NKAP: variants seen among roughly 807,000 people sequenced by gnomAD.
The protein encoded by NKAP is NF-kappa-B-activating protein.
Under a neutral mutation model 35.6 loss-of-function variants are expected in NKAP, and 4 were observed. That is an observed-to-expected ratio of 0.11 (90% CI 0.06 to 0.26). The LOEUF is 0.26. Among genes scored for constraint, NKAP ranks in the 10% least tolerant of loss-of-function variants. The pLI is 1.00. For missense variants in NKAP, 238 were observed against 321.9 expected, an observed-to-expected ratio of 0.74 and a Z score of 1.99; for synonymous variants, 106 against 119.2, an observed-to-expected ratio of 0.89 and a Z score of 0.72.
Position 119,936,413 on chromosome X carries a change from G to C in NKAP, c.557C>G (p.Ser186Cys), listed in dbSNP as rs570658904. The C allele has an allele frequency of 1.6e-5, 19 of 1,152,689 alleles. No homozygotes were observed. The African/African-American group carries it at 2.2e-4, about 14-fold the overall frequency. 95.0% of individuals were successfully genotyped at this position (1,152,689 alleles called of 1,213,427 possible). Reference protein sequence around the residue: ...STSEEEKKKKSSRSKERSKKR... With the variant: ...STSEEEKKKKCSRSKERSKKR... ...CTTGGACCTTTCTTTTGAACGGCTA[G>C]ACTTCTTCTTTTTTTCTTCTAAGAA... Residue 186 changes from serine to cysteine, a missense_variant, in exon 4 of 9, where the codon TCT (serine) becomes TGT (cysteine). Transcript: ENST00000371410.
intron 8 of NKAP, among the ~76,000 whole-genome samples, chrX:119,929,014 A>G (rs2056728608): frequency 9.0e-6 from 1 of 111,048 alleles, no homozygotes; most frequent in East Asian, 2.8e-4. Context: ...CTCCTGCTTC[A>G]GCCTCCTGAG....
intron 1 of NKAP, among the ~76,000 whole-genome samples, chrX:119,939,281 A>G (rs1322271690): frequency 1.1e-5 from 1 of 94,200 alleles, no homozygotes; most frequent in Non-Finnish European, 2.1e-5. Flanking sequence ...AAAAGTTTTT[A>G]TTTTATTTTA....
intron 1 of NKAP, among the ~76,000 whole-genome samples, chrX:119,939,637 GC>G (rs2056783003): frequency 9.0e-6 from 1 of 110,984 alleles, no homozygotes; most frequent in African/African-American, 3.3e-5. Flanking sequence ...GGTGGCACAT[GC>G]CTGTAATCCC....
chrX:119,934,806 T>C (rs772658244), intron 4 of NKAP, among the ~76,000 whole-genome samples: 14 of 111,104 alleles, frequency 1.3e-4, no homozygotes, highest in Admixed American at 1.9e-4. Context: ...TGGTGGCTAA[T>C]TAGGAAAATG....
chrX:119,941,690 A>G (rs1224998334), intron 1 of NKAP, among the ~76,000 whole-genome samples: 1 of 111,123 alleles, frequency 9.0e-6, no homozygotes, highest in African/African-American at 3.3e-5. Flanking sequence ...CAGTGGTGAG[A>G]TCATGGCTCA....
At chrX:119,932,942 C>T (rs1006789437) in intron 5 of NKAP, among the ~76,000 whole-genome samples, 4 of 108,061 alleles carry the variant, frequency 3.7e-5, no homozygotes, top group Non-Finnish European at 7.6e-5. Flanking sequence ...GTGATCGTGC[C>T]ACTGCATTCC....
intron 2 of NKAP, 103 bp from the exon 3 acceptor site, chrX:119,936,785 G>T (rs1013479244): frequency 1.5e-5 from 9 of 584,259 alleles, no homozygotes; most frequent in Non-Finnish European, 2.2e-5. Flanking sequence ...AGCATCGATT[G>T]TCCAAGAACC....
intron 4 of NKAP, among the ~76,000 whole-genome samples, chrX:119,935,625 G>A (rs899966651): frequency 4.1e-4 from 46 of 111,273 alleles, no homozygotes; most frequent in African/African-American, 1.4e-3. Context: ...TTCTGTCTTC[G>A]AGCACTGAGG....
intron 4 of NKAP, among the ~76,000 whole-genome samples, chrX:119,935,673 T>C (rs2056762957): frequency 9.0e-6 from 1 of 111,403 alleles, no homozygotes; most frequent in African/African-American, 3.3e-5. Flanking sequence ...ACTTCGGCGA[T>C]ATCAGAGGAA....
chrX:119,934,691 G>A, intron 4 of NKAP, 134 bp from the exon 5 acceptor site: 1 of 411,108 alleles, frequency 2.4e-6, no homozygotes, highest in Non-Finnish European at 4.1e-6. Flanking sequence ...AACATTTATT[G>A]CTATTTGTCA....
intron 1 of NKAP, among the ~76,000 whole-genome samples, 192 bp from the exon 2 acceptor site, chrX:119,939,002 T>TA (rs2056779789): frequency 8.9e-6 from 1 of 112,511 alleles, no homozygotes; most frequent in Non-Finnish European, 1.9e-5. Context: ...GTACAGACTA[T>TA]AGAAATGATG....
At position 119,926,089 on chromosome X, in the gene NKAP, T is replaced by C. The variant is rs1283366155; in HGVS notation, c.1074-695A>G. Among the ~76,000 whole-genome samples, 111 of 99,980 alleles carry C rather than the reference T, an allele frequency of 1.1e-3. 1 individual carries two copies. The highest frequency in any genetic ancestry group is 3.9e-3 in the African/African-American group (107 of 27,108). 86.8% of individuals were successfully genotyped at this position (99,980 alleles called of 115,157 possible). On this transcript the variant is annotated intron_variant, in intron 8 of 8. Transcript: ENST00000371410. Reference sequence around the variant, plus strand: ...CTCCTGCCTCAGCCTCCCCAGTAGCTGGGACTACAGGCGCCCGCCACCGCG... The same window carrying C: ...CTCCTGCCTCAGCCTCCCCAGTAGCCGGGACTACAGGCGCCCGCCACCGCG...
Position 119,936,654 on chromosome X carries a change from C to T in NKAP, c.496G>A (p.Glu166Lys), listed in dbSNP as rs754777767. 6 of 1,179,516 alleles carry T rather than the reference C, an allele frequency of 5.1e-6. No homozygotes were observed. The South Asian group carries it at 1.1e-4, about 22-fold the overall frequency. The change falls in exon 3 of 9, where the codon GAA becomes AAA. Residue 166 changes from glutamate (E) to lysine (K), a missense_variant. This residue lies in a region of NKAP where 89 missense variants were observed against 91.7 expected (regional missense o/e 0.97). Transcript: ENST00000371410. The part of the protein sequence containing the change: ...DSDEHTPVED[E>K]EPKKSTTSAS... ...GAAGTAGTGCTTTTCTTTGGCTCTT[C>T]ATCCTCCACTGGTGTATGTTCATCA...
Position 119,939,513 on chromosome X carries a change from C to T in NKAP, c.387-703G>A, listed in dbSNP as rs758016767. The stretch of plus-strand genomic sequence containing the variant: ...TGTTGGCCAGGCTGGTCTCAAACTC[C>T]TGACCTCAGGAGATCCACCTCAGTT... On this transcript the variant is annotated intron_variant, in intron 1 of 8. Transcript: ENST00000371410. Among the ~76,000 whole-genome samples, 9 of 111,626 alleles carry T rather than the reference C, an allele frequency of 8.1e-5. 1 individual carries two copies. The South Asian group carries it at 3.4e-3, about 42-fold the overall frequency.
At position 119,930,042 on chromosome X, in the gene NKAP, G is replaced by A. The variant is rs767283163; in HGVS notation, c.1047C>T (p.Cys349=). ...LTSEEIASFE[C]SGYVMSGSRH... is the part of the protein sequence containing the mutation. Reference sequence around the variant, plus strand: ...TGCTACCACTCATTACATAACCTGAGCATTCAAATGATGCAATTTCTTCAC... The same window carrying A: ...TGCTACCACTCATTACATAACCTGAACATTCAAATGATGCAATTTCTTCAC... Residue 349 remains cysteine (C), a synonymous_variant, in exon 8 of 9, where the codon TGC becomes TGT. Coordinates refer to ENST00000371410, the MANE Select transcript of NKAP (RefSeq NM_024528.4). The A allele has an allele frequency of 2.5e-6, 3 of 1,207,574 alleles. No individual in the cohort carries two copies. Among genetic ancestry groups the A allele is most frequent in the Admixed American group, 4.4e-5 (2 of 45,253 alleles).
chrX:119,942,995 AG>A (rs2056800537), intron 1 of NKAP: 1 of 386,461 alleles, frequency 2.6e-6, no homozygotes. Context: ...AGGAGGCGGA[AG>A]GGGGTAGCGG....
chrX:119,938,442 G>A (rs1367838862), intron 2 of NKAP, among the ~76,000 whole-genome samples: 1 of 103,655 alleles, frequency 9.6e-6, no homozygotes, highest in African/African-American at 4.0e-5. Flanking sequence ...GAGTTTAGTT[G>A]AGAAAAAATA....
At chrX:119,934,719 C>T (rs1447662024) in intron 4 of NKAP, among the ~76,000 whole-genome samples, 162 bp from the exon 5 acceptor site, 2 of 110,641 alleles carry the variant, frequency 1.8e-5, no homozygotes, top group Non-Finnish European at 3.8e-5. Flanking sequence ...TAGGGAGGTA[C>T]TATGAACATA....
rs1444330105 is a variant in NKAP, at chrX:119,943,278, T to C, written c.328A>G (p.Ser110Gly). ...AGGAGGCTAGGCCAAGGCTTGTCGC[T>C]CCCGTAGGGGCGCGAGTAGCTGCCG... ...YYGSYSRPYG[S>G]DKPWPSLLDK... Residue 110 changes from serine to glycine, a missense_variant, in exon 1 of 9, where the codon AGC (serine) becomes GGC (glycine). Physicochemically the swap from Ser to Gly is moderately conservative, Grantham distance 56 (BLOSUM62 0). Around this residue, in one of 5 missense-constraint regions of NKAP, gnomAD observed 123 missense variants for 115.3 expected, o/e 1.07. Coordinates refer to ENST00000371410, the MANE Select transcript of NKAP (RefSeq NM_024528.4). 8.3e-7 allele frequency: 1 copy of C among 1,208,812 alleles called. No individual in the cohort carries two copies. Among genetic ancestry groups the C allele is most frequent in the Non-Finnish European group, 1.1e-6 (1 of 894,422 alleles).
Sources: allele counts gnomAD v4.1 joint callset (sites outside exome capture counted in the v4.1 genomes callset), GRCh38; gene constraint gnomAD v4.1.1; regional missense constraint gnomAD v4.1.1; transcripts MANE v1.5; gene names NCBI Gene and HGNC (gene_info 2026-07-23, HGNC 2026-07-21).